Variants in OARD1 observed in about 807,000 individuals in gnomAD.
OARD1 encodes ADP-ribose glycohydrolase OARD1.
OARD1 carries 19 observed loss-of-function variants against 19.7 expected under a neutral mutation model. The observed-to-expected ratio is 0.96, with a 90% CI of 0.67 to 1.41. The LOEUF is 1.41. Ranked by LOEUF, OARD1 falls within the 40% of genes most tolerant of loss-of-function variation. The pLI, the probability that OARD1 is intolerant of heterozygous loss-of-function variation, is 0.00. For synonymous variants in OARD1, 70 were observed against 61.8 expected, an observed-to-expected ratio of 1.13 and a Z score of -0.62; for missense variants, 190 against 183.8, an observed-to-expected ratio of 1.03 and a Z score of -0.20.
Position 41,089,443 on chromosome 6 carries a change from A to G in OARD1, c.-42+8270T>C, listed in dbSNP as rs1453848920. ...GAAAATAAGTTGTGTCTACTTCATA[A>G]TGGAGGGCAGAGCAGGACTTCTTTT... On this transcript the variant is annotated intron_variant, in intron 1 of 4. Coordinates refer to the OARD1 transcript ENST00000480585. 4 of 891,866 alleles carry G rather than the reference A, an allele frequency of 4.5e-6. No individual in the cohort carries two copies. In the African/African-American group the frequency reaches 6.9e-5, roughly 15 times the overall value. The allele number at this position is 891,866 out of a possible 1,614,324, so 55.2% of individuals were successfully genotyped here. A position where few individuals can be genotyped will look rare whatever the true frequency, so the allele number is the denominator to read the frequency against.
At chr6:41,068,701 T>C in intron 5 of OARD1, 140 bp downstream of exon 5, 1 of 523,624 alleles carries the variant, frequency 1.9e-6, no homozygotes, top group Non-Finnish European at 3.3e-6. Flanking sequence ...ACTGGTTCAC[T>C]GGTGGTTTTA....
At chr6:41,069,784 G>A (rs1238406410) in intron 4 of OARD1, 1 of 411,648 alleles carries the variant, frequency 2.4e-6, no homozygotes, top group Middle Eastern at 7.0e-4. Context: ...AGGAAATATA[G>A]TATGGCAGGC....
intron 1 of OARD1, among the ~76,000 whole-genome samples, chr6:41,081,883 A>C (rs1763918070): frequency 6.6e-6 from 1 of 152,200 alleles, no homozygotes; most frequent in African/African-American, 2.4e-5. Flanking sequence ...TAATCAATAC[A>C]GTTCTTTAGC....
At chr6:41,078,137 C>T (rs894539204) in intron 1 of OARD1, among the ~76,000 whole-genome samples, 9 of 152,138 alleles carry the variant, frequency 5.9e-5, no homozygotes, top group Non-Finnish European at 1.2e-4. Context: ...TATTTCTCCA[C>T]CCATTCATCC....
chr6:41,094,591 C>A (rs1248361540), intron 1 of OARD1: 4 of 853,482 alleles, frequency 4.7e-6, no homozygotes, highest in Non-Finnish European at 7.7e-6. Context: ...TTTTCCTACT[C>A]TGGGACTACT....
intron 1 of OARD1, chr6:41,084,026 C>T (rs746317318): frequency 1.9e-6 from 3 of 1,578,142 alleles, no homozygotes; most frequent in Admixed American, 1.8e-5. Context: ...TTTCATTGTT[C>T]TTATTTTATT....
upstream of OARD1, among the ~76,000 whole-genome samples, chr6:41,076,663 T>G (rs1763740418): frequency 6.6e-6 from 1 of 152,222 alleles, no homozygotes; most frequent in African/African-American, 2.4e-5. Flanking sequence ...AATAAACACT[T>G]ATTATTTGTT....
chr6:41,076,556 T>C (rs1426168688), upstream of OARD1, among the ~76,000 whole-genome samples: 2 of 152,210 alleles, frequency 1.3e-5, no homozygotes, highest in Non-Finnish European at 2.9e-5. Flanking sequence ...TAGTAAGTGG[T>C]TGGCTAAGTC....
At chr6:41,091,729 A>G in intron 1 of OARD1, 1 of 1,600,400 alleles carries the variant, frequency 6.2e-7, no homozygotes, top group Non-Finnish European at 8.5e-7. Context: ...TGTCTTTGAA[A>G]TTTTCTTGAA....
At chr6:41,075,007 C>G (rs1015117539), upstream of OARD1, among the ~76,000 whole-genome samples, 2 of 151,572 alleles carry the variant, frequency 1.3e-5, no homozygotes, top group South Asian at 4.1e-4. Context: ...AACTCGTATT[C>G]CAGTGCTCTT....
intron 5 of OARD1, 118 bp from the exon 6 acceptor site, chr6:41,067,555 TG>T: frequency 1.6e-6 from 1 of 638,164 alleles, no homozygotes. Flanking sequence ...GACACCCTTA[TG>T]GGCAACCATG....
chr6:41,086,921 T>TC (rs1561853377), intron 1 of OARD1, among the ~76,000 whole-genome samples: 1 of 152,016 alleles, frequency 6.6e-6, no homozygotes, highest in African/African-American at 2.4e-5. Context: ...CAAAAGAAAA[T>TC]ATAAGAATTT....
In OARD1 at chr6:41,097,513, A is replaced by T. The variant is rs41273754; in HGVS notation, c.-42+200T>A. On this transcript the variant is annotated intron_variant, in intron 1 of 4. Transcript: ENST00000480585. ...CATTGATGATCACATTCTGCCCTTT[A>T]CTACAGGACAGAAACCACTTAGTTT... 5.8e-3 allele frequency: 7,135 copies of T among 1,233,718 alleles called. 198 individuals are homozygous for T. In the South Asian group the frequency reaches 0.062, roughly 11 times the overall value. The allele number at this position is 1,233,718 out of a possible 1,614,324, so 76.4% of individuals were successfully genotyped here.
chr6:41,088,141 C>T (rs940568862), intron 1 of OARD1, among the ~76,000 whole-genome samples: 8 of 152,022 alleles, frequency 5.3e-5, no homozygotes, highest in East Asian at 3.9e-4. Flanking sequence ...AACATTTGGC[C>T]GGTGCGGTGG....
intron 1 of OARD1, chr6:41,089,563 A>C: frequency 6.3e-7 from 1 of 1,591,890 alleles, no homozygotes; most frequent in African/African-American, 1.4e-5. Flanking sequence ...TCCTTTTTTT[A>C]TGTTCTTTTC....
intron 1 of OARD1, among the ~76,000 whole-genome samples, chr6:41,089,086 T>G (rs1007740413): frequency 6.6e-6 from 1 of 152,174 alleles, no homozygotes; most frequent in Non-Finnish European, 1.5e-5. Context: ...CCGGTTCAAG[T>G]GATTTTCCGG....
At chr6:41,079,539 ATCT>A (rs1450851338) in intron 1 of OARD1, among the ~76,000 whole-genome samples, 1 of 152,198 alleles carries the variant, frequency 6.6e-6, no homozygotes, top group Non-Finnish European at 1.5e-5. Flanking sequence ...CTTCCAATAA[ATCT>A]TCTGTTTTTT....
upstream of OARD1, among the ~76,000 whole-genome samples, chr6:41,077,582 G>C (rs1359287399): frequency 6.6e-6 from 1 of 152,160 alleles, no homozygotes; most frequent in East Asian, 1.9e-4. Context: ...AGGGAAGCCT[G>C]TTAGTGCCCC....
chr6:41,091,810 G>T (rs532014716), intron 1 of OARD1: 3 of 1,117,840 alleles, frequency 2.7e-6, no homozygotes, highest in Non-Finnish European at 3.8e-6. Context: ...TTAAGGCACT[G>T]TCGGTAATCT....
Sources: gnomAD v4.1 joint callset for allele counts (sites outside exome capture counted in the v4.1 genomes callset) on GRCh38, gnomAD v4.1.1 for gene constraint, MANE v1.5 for transcripts, NCBI Gene and HGNC (gene_info 2026-07-23, HGNC 2026-07-21) for gene names.